LINGO2: variants seen among roughly 807,000 people sequenced by gnomAD.
The protein encoded by LINGO2 is leucine-rich repeat and immunoglobulin-like domain-containing nogo receptor-interacting protein 2.
A neutral mutation model predicts 30.6 loss-of-function variants in LINGO2; 14 were observed. The observed-to-expected ratio is 0.46, with a 90% CI of 0.30 to 0.72. The LOEUF (loss-of-function observed/expected upper bound fraction) is 0.72, where lower values mean the gene tolerates loss of function less well. LINGO2 is among the 30% of genes least tolerant of loss of function. The pLI is 0.07. For missense variants in LINGO2, 729 were observed against 751.7 expected, an observed-to-expected ratio of 0.97 and a Z score of 0.35; for synonymous variants, 317 against 288.5, an observed-to-expected ratio of 1.10 and a Z score of -1.00.
chr9:28,995,805 G>A, the LINGO2 span, among the ~76,000 whole-genome samples: 142 of 152,104 alleles, frequency 9.3e-4, no homozygotes, highest in Non-Finnish European at 1.1e-3. Flanking sequence ...TCACTCATAG[G>A]TGGGAATTGA....
At chr9:28,591,270 G>C (rs1314872623) in intron 1 of LINGO2, among the ~76,000 whole-genome samples, 1 of 151,774 alleles carries the variant, frequency 6.6e-6, no homozygotes, top group African/African-American at 2.4e-5. Context: ...TAACAAACCT[G>C]CACATTGTGC....
At chr9:27,993,995 G>T (rs1821529623) in intron 5 of LINGO2, among the ~76,000 whole-genome samples, 1 of 151,512 alleles carries the variant, frequency 6.6e-6, no homozygotes, top group African/African-American at 2.4e-5. Flanking sequence ...AAAATAACGA[G>T]GAACTTTGGA....
At chr9:28,591,334 T>C (rs1232959592) in intron 1 of LINGO2, among the ~76,000 whole-genome samples, 1 of 151,888 alleles carries the variant, frequency 6.6e-6, no homozygotes, top group Non-Finnish European at 1.5e-5. Flanking sequence ...TAAAAGTCAC[T>C]GATTGGGAGA....
the LINGO2 span, among the ~76,000 whole-genome samples, chr9:28,989,729 G>A: frequency 6.6e-6 from 1 of 152,084 alleles, no homozygotes; most frequent in African/African-American, 2.4e-5. Flanking sequence ...CCTCTTCTTA[G>A]GGACACAGCT....
chr9:28,342,234 C>A (rs191180846), intron 3 of LINGO2, among the ~76,000 whole-genome samples: 1 of 152,032 alleles, frequency 6.6e-6, no homozygotes, highest in Non-Finnish European at 1.5e-5. Flanking sequence ...GTGTTTCAAC[C>A]CTGTCTTCTA....
chr9:29,126,022 A>G, the LINGO2 span, among the ~76,000 whole-genome samples: 1 of 152,136 alleles, frequency 6.6e-6, no homozygotes, highest in Non-Finnish European at 1.5e-5. Flanking sequence ...TAACATTACT[A>G]TTAGAAATCT....
At chr9:28,123,627 C>A (rs370842372) in intron 4 of LINGO2, among the ~76,000 whole-genome samples, 3 of 152,020 alleles carry the variant, frequency 2.0e-5, no homozygotes, top group Non-Finnish European at 4.4e-5. Context: ...AAATGTGAAC[C>A]CTTCTATAAA....
intron 4 of LINGO2, among the ~76,000 whole-genome samples, chr9:28,050,093 G>C (rs1824603111): frequency 6.6e-6 from 1 of 150,670 alleles, no homozygotes; most frequent in Admixed American, 6.7e-5. Flanking sequence ...TGATTAGATT[G>C]AGATGGAAGG....
At chr9:28,935,578 G>C in the LINGO2 span, among the ~76,000 whole-genome samples, 1 of 151,778 alleles carries the variant, frequency 6.6e-6, no homozygotes, top group Admixed American at 6.6e-5. Context: ...ATAGTGATTG[G>C]GAGTCAAAAT....
At chr9:28,301,664 T>C (rs1224862056) in intron 3 of LINGO2, among the ~76,000 whole-genome samples, 1 of 152,232 alleles carries the variant, frequency 6.6e-6, no homozygotes, top group African/African-American at 2.4e-5. Flanking sequence ...TTATTTCTCT[T>C]TGAGTTTCAG....
intron 1 of LINGO2, among the ~76,000 whole-genome samples, chr9:28,663,130 T>C (rs1828646058): frequency 6.6e-6 from 1 of 152,146 alleles, no homozygotes; most frequent in African/African-American, 2.4e-5. Flanking sequence ...TGCCGACAAG[T>C]AGATGCTGCT....
rs1334006533 is a variant in LINGO2, at chr9:28,619,131, TA to T, written c.-365+51068del. ...AGGACTTTTTTCCAGTGGAAATTATTAAAATATAGGGGTTTTATATGGGCTA... is the reference window on the plus strand; with the variant it reads ...AGGACTTTTTTCCAGTGGAAATTATTAAATATAGGGGTTTTATATGGGCTA... On this transcript the variant is annotated intron_variant, in intron 1 of 5. Coordinates refer to ENST00000379992, the Ensembl canonical transcript of LINGO2. Among the ~76,000 whole-genome samples, 8 of 152,280 alleles carry T rather than the reference TA, an allele frequency of 5.3e-5. 1 individual carries two copies. Among genetic ancestry groups the T allele is most frequent in the African/African-American group, 1.7e-4 (7 of 41,590 alleles).
chr9:28,660,779 A>G (rs1443320469), intron 1 of LINGO2, among the ~76,000 whole-genome samples: 3 of 152,070 alleles, frequency 2.0e-5, no homozygotes, highest in Non-Finnish European at 2.9e-5. Context: ...GTTTCCCTCC[A>G]TAGTCAATAA....
At chr9:28,520,944 C>G (rs1820805396) in intron 1 of LINGO2, among the ~76,000 whole-genome samples, 1 of 152,110 alleles carries the variant, frequency 6.6e-6, no homozygotes, top group Non-Finnish European at 1.5e-5. Flanking sequence ...TCTTTGATTC[C>G]TATATTCCTG....
the LINGO2 span, among the ~76,000 whole-genome samples, chr9:29,106,636 CCA>C: frequency 2.0e-5 from 3 of 152,076 alleles, no homozygotes; most frequent in African/African-American, 7.2e-5. Context: ...CATCAGCCAA[CCA>C]CAGAGTTTAT....
chr9:28,137,447 C>T (rs1396795256), intron 4 of LINGO2, among the ~76,000 whole-genome samples: 1 of 152,058 alleles, frequency 6.6e-6, no homozygotes, highest in Non-Finnish European at 1.5e-5. Context: ...TAAAGCCAGG[C>T]CTAGGAAATT....
the LINGO2 span, among the ~76,000 whole-genome samples, chr9:28,804,531 C>A: frequency 8.4e-6 from 1 of 119,322 alleles, no homozygotes; most frequent in East Asian, 3.0e-4. Flanking sequence ...GTTGTGTTCA[C>A]GGCAAAAACA....
chr9:27,980,614 G>T (rs116605625), intron 5 of LINGO2, among the ~76,000 whole-genome samples: 1,581 of 152,008 alleles, frequency 0.01, 26 homozygotes, highest in African/African-American at 0.035. Context: ...AGCCCTTCTT[G>T]GGTCATCAAG....
intron 3 of LINGO2, among the ~76,000 whole-genome samples, chr9:28,301,675 A>G (rs770596413): frequency 2.0e-5 from 3 of 152,230 alleles, no homozygotes; most frequent in Non-Finnish European, 4.4e-5. Context: ...TGAGTTTCAG[A>G]TAGCCTATTT....
Sources: gnomAD v4.1 joint callset for allele counts (sites outside exome capture counted in the v4.1 genomes callset) on GRCh38, gnomAD v4.1.1 for gene constraint, MANE v1.5 for transcripts, NCBI Gene and HGNC (gene_info 2026-07-23, HGNC 2026-07-21) for gene names.